The following SLC9A9 variants were observed in gnomAD, a reference collection of about 807,000 sequenced individuals.
SLC9A9 encodes the protein sodium/hydrogen exchanger 9.
A neutral mutation model predicts 77.8 loss-of-function variants in SLC9A9; 62 were observed. The ratio of observed to expected loss-of-function variants is 0.80; its 90% CI spans 0.65 to 0.98. The LOEUF is 0.98. Ranked by LOEUF, SLC9A9 falls within the 50% of genes least tolerant of loss-of-function variation. SLC9A9 has a pLI of 0.00. For missense variants in SLC9A9, 775 were observed against 774.9 expected (o/e 1.00, Z 0.00); for synonymous variants, 320 against 283.5 (o/e 1.13, Z -1.29).
intron 6 of SLC9A9, among the ~76,000 whole-genome samples, chr3:143,628,478 G>T (rs1294093702): frequency 1.3e-5 from 2 of 152,070 alleles, no homozygotes; most frequent in Admixed American, 6.6e-5. Flanking sequence ...ATGGTTGTAT[G>T]GGTGCTCTTA....
chr3:143,365,641 A>G (rs1189686290), intron 13 of SLC9A9, among the ~76,000 whole-genome samples: 1 of 152,174 alleles, frequency 6.6e-6, no homozygotes, highest in Admixed American at 6.5e-5. Context: ...CTTGTTATCT[A>G]TAGTCAGAAT....
At chr3:143,690,859 A>G (rs534347503) in intron 5 of SLC9A9, among the ~76,000 whole-genome samples, 175 of 152,290 alleles carry the variant, frequency 1.1e-3, no homozygotes, top group African/African-American at 4.1e-3. Context: ...CTGGAAAACT[A>G]CTTCATTAAG....
chr3:143,422,131 C>T (rs1301410132), intron 12 of SLC9A9, among the ~76,000 whole-genome samples: 1 of 152,142 alleles, frequency 6.6e-6, no homozygotes, highest in Non-Finnish European at 1.5e-5. Context: ...AAAGGGAACT[C>T]ATACACTGTA....
At chr3:143,682,044 A>G (rs1006462063) in intron 5 of SLC9A9, among the ~76,000 whole-genome samples, 2 of 152,160 alleles carry the variant, frequency 1.3e-5, no homozygotes, top group Non-Finnish European at 2.9e-5. Context: ...TGAAACTGGT[A>G]TCTAGAGGCT....
rs528505350 is a variant in SLC9A9, at chr3:143,625,347, C to T, written c.755+26908G>A. On this transcript the variant is annotated intron_variant, in intron 6 of 15. Transcript: ENST00000316549. The stretch of plus-strand genomic sequence containing the variant: ...AAAGAACAAAGCTGGAGGCATCATG[C>T]TACCTGACTTCAAACTATACTACAA... Among the ~76,000 whole-genome samples the T allele has an allele frequency of 6.3e-3, 963 of 152,282 alleles. 12 individuals are homozygous for T. The highest frequency in any genetic ancestry group is 0.022 in the African/African-American group (915 of 41,558).
intron 14 of SLC9A9, chr3:143,347,119 G>A (rs1197678212): frequency 6.6e-6 from 1 of 152,066 alleles, no homozygotes; most frequent in Non-Finnish European, 1.5e-5. Context: ...CTGAAGCAGT[G>A]GCTACAACTC....
chr3:143,841,982 T>C (rs1436228773), intron 1 of SLC9A9, among the ~76,000 whole-genome samples: 1 of 152,162 alleles, frequency 6.6e-6, no homozygotes, highest in Non-Finnish European at 1.5e-5. Flanking sequence ...CTCGAACTCC[T>C]GACCTCAGGT....
At chr3:143,274,537 A>C (rs1263926893) in intron 14 of SLC9A9, among the ~76,000 whole-genome samples, 3 of 152,048 alleles carry the variant, frequency 2.0e-5, no homozygotes, top group African/African-American at 7.2e-5. Flanking sequence ...GTGTATAAAT[A>C]CTCCCACTAC....
chr3:143,527,673 A>G (rs2108618508), intron 9 of SLC9A9, among the ~76,000 whole-genome samples: 1 of 152,336 alleles, frequency 6.6e-6, no homozygotes. Flanking sequence ...AGGAAAGCCA[A>G]ACTGCTTAGC....
chr3:143,540,524 G>A (rs1468919400), intron 9 of SLC9A9, among the ~76,000 whole-genome samples: 2 of 152,128 alleles, frequency 1.3e-5, no homozygotes, highest in Non-Finnish European at 2.9e-5. Context: ...AAAGCCCAAG[G>A]AGAGGAAGAA....
intron 11 of SLC9A9, among the ~76,000 whole-genome samples, chr3:143,478,992 T>C (rs1367803168): frequency 6.6e-6 from 1 of 152,250 alleles, no homozygotes; most frequent in African/African-American, 2.4e-5. Flanking sequence ...AGAAGGCTCC[T>C]GAACACAGGG....
chr3:143,808,146 G>A (rs771506800), intron 2 of SLC9A9, among the ~76,000 whole-genome samples: 1 of 152,206 alleles, frequency 6.6e-6, no homozygotes, highest in East Asian at 1.9e-4. Flanking sequence ...AAAGCCTAAG[G>A]TCAAATGCCT....
At chr3:143,513,609 T>C (rs2036154808) in intron 9 of SLC9A9, among the ~76,000 whole-genome samples, 1 of 152,138 alleles carries the variant, frequency 6.6e-6, no homozygotes, top group Non-Finnish European at 1.5e-5. Flanking sequence ...ATCCAGAAGG[T>C]TTTAGATATA....
intron 14 of SLC9A9, among the ~76,000 whole-genome samples, chr3:143,362,453 GCTTT>G (rs1192731910): frequency 2.6e-5 from 4 of 151,872 alleles, no homozygotes; most frequent in Non-Finnish European, 5.9e-5. Context: ...CTTAATTTTT[GCTTT>G]CTATTTTCCA....
chr3:143,707,849 G>A (rs1934027344), intron 4 of SLC9A9, among the ~76,000 whole-genome samples: 1 of 152,130 alleles, frequency 6.6e-6, no homozygotes, highest in Non-Finnish European at 1.5e-5. Context: ...TGTGGTCCCA[G>A]GGTCCAGGAC....
At chr3:143,433,840 G>A (rs1559914009) in intron 12 of SLC9A9, among the ~76,000 whole-genome samples, 1 of 152,228 alleles carries the variant, frequency 6.6e-6, no homozygotes, top group Non-Finnish European at 1.5e-5. Flanking sequence ...GCTGGAAGGT[G>A]CATATGAAAC....
chr3:143,363,176 C>G (rs187476610), intron 14 of SLC9A9, among the ~76,000 whole-genome samples: 39 of 152,264 alleles, frequency 2.6e-4, no homozygotes, highest in African/African-American at 9.1e-4. Context: ...GAAGTAAGAG[C>G]TTTACAAAGG....
chr3:143,681,855 G>T (rs538723601), intron 5 of SLC9A9, among the ~76,000 whole-genome samples: 1 of 152,262 alleles, frequency 6.6e-6, no homozygotes, highest in East Asian at 1.9e-4. Context: ...AAGCAGGTGG[G>T]CTACCCTTCA....
intron 2 of SLC9A9, among the ~76,000 whole-genome samples, chr3:143,831,213 G>GA (rs370082267): frequency 6.6e-6 from 1 of 151,804 alleles, no homozygotes; most frequent in African/African-American, 2.4e-5. Flanking sequence ...GCTCTGACCT[G>GA]AAAAAAAATC....
Sources: gnomAD v4.1 joint callset for allele counts (sites outside exome capture counted in the v4.1 genomes callset) on GRCh38, gnomAD v4.1.1 for gene constraint, MANE v1.5 for transcripts, NCBI Gene and HGNC (gene_info 2026-07-23, HGNC 2026-07-21) for gene names.